NTM: variants seen among roughly 807,000 people sequenced by gnomAD.
NTM encodes IgLON family member 2.
A neutral mutation model predicts 42.1 loss-of-function variants in NTM; 13 were observed. The ratio of observed to expected loss-of-function variants is 0.31; its 90% CI spans 0.20 to 0.49. NTM has a LOEUF of 0.49. Ranked by LOEUF, NTM falls within the 20% of genes least tolerant of loss-of-function variation. NTM has a pLI of 0.99. For synonymous variants in NTM, 187 were observed against 179.2 expected (o/e 1.04, Z -0.35); for missense variants, 373 against 452.8 (o/e 0.82, Z 1.60).
At chr11:131,557,507 T>C (rs1170980409) in intron 1 of NTM, among the ~76,000 whole-genome samples, 1 of 152,198 alleles carries the variant, frequency 6.6e-6, no homozygotes, top group African/African-American at 2.4e-5. Context: ...TAAGTGCCTA[T>C]TAAGCGCTCT....
intron 1 of NTM, among the ~76,000 whole-genome samples, chr11:131,405,110 A>G (rs1259179328): frequency 6.6e-6 from 1 of 152,198 alleles, no homozygotes; most frequent in Non-Finnish European, 1.5e-5. Context: ...GCTTCAACCT[A>G]AGGCAGGGAG....
At chr11:131,388,612 T>C (rs1943610788) in intron 1 of NTM, among the ~76,000 whole-genome samples, 1 of 152,084 alleles carries the variant, frequency 6.6e-6, no homozygotes, top group Non-Finnish European at 1.5e-5. Context: ...TAGGAATGTG[T>C]ATGAGTTGGC....
chr11:131,556,429 A>G (rs1433956238), intron 1 of NTM, among the ~76,000 whole-genome samples: 1 of 152,262 alleles, frequency 6.6e-6, no homozygotes, highest in African/African-American at 2.4e-5. Flanking sequence ...ATAATTAATA[A>G]GTCAGAGTAC....
chr11:132,129,208 A>G (rs915077661), intron 2 of NTM, among the ~76,000 whole-genome samples: 8 of 152,158 alleles, frequency 5.3e-5, no homozygotes, highest in East Asian at 3.8e-4. Context: ...GGGACTTGGT[A>G]TCCAAAACTG....
Position 131,690,083 on chromosome 11 carries a change from G to A in NTM, c.83-221481G>A, listed in dbSNP as rs371266137. On this transcript the variant is annotated intron_variant, in intron 1 of 8. Transcript: ENST00000683400. The stretch of plus-strand genomic sequence containing the variant: ...TGATCACTCATGATGAGATCAGCAC[G>A]TCTCTCCCCTCACACGTCTGTCCCT... Among the ~76,000 whole-genome samples the A allele has an allele frequency of 1.1e-3, 171 of 152,226 alleles. 1 individual carries two copies. The highest frequency in any genetic ancestry group is 3.9e-3 in the African/African-American group (161 of 41,530).
At chr11:131,549,336 G>C (rs1172862418) in intron 1 of NTM, among the ~76,000 whole-genome samples, 3 of 151,392 alleles carry the variant, frequency 2.0e-5, no homozygotes, top group African/African-American at 7.3e-5. Context: ...TTATGTCTAG[G>C]GTCACACCCT....
At chr11:131,957,458 G>A (rs560315105) in intron 2 of NTM, among the ~76,000 whole-genome samples, 7 of 152,220 alleles carry the variant, frequency 4.6e-5, no homozygotes, top group African/African-American at 1.4e-4. Context: ...AGTCCACTTT[G>A]CATCCCACTT....
chr11:131,992,685 GA>G lies in NTM; in HGVS notation c.167+81041del, dbSNP rs370050904. 5.7e-3 allele frequency among the ~76,000 whole-genome samples: 863 copies of G among 152,210 alleles called. 9 individuals carry two copies. The highest frequency in any genetic ancestry group is 0.02 in the African/African-American group (820 of 41,518). ...TTAAATCTTACACACACAATTGCCT[GA>G]AAAGATTGAATACTTTTCTATGTTC... is the stretch of plus-strand genomic sequence containing the variant. On this transcript the variant is annotated intron_variant, in intron 2 of 8. Coordinates refer to ENST00000683400, the MANE Select transcript of NTM (RefSeq NM_001352005.2).
At chr11:131,510,529 T>TA (rs1398656545) in intron 1 of NTM, among the ~76,000 whole-genome samples, 4 of 152,240 alleles carry the variant, frequency 2.6e-5, no homozygotes, top group African/African-American at 9.6e-5. Flanking sequence ...GTTACAAGAC[T>TA]GTGGTCAAAC....
chr11:132,123,989 T>C (rs1192484596), intron 2 of NTM, among the ~76,000 whole-genome samples: 2 of 152,124 alleles, frequency 1.3e-5, no homozygotes, highest in African/African-American at 2.4e-5. Context: ...TTTAGTAGCT[T>C]TGTGACCCGA....
intron 1 of NTM, among the ~76,000 whole-genome samples, chr11:131,511,407 C>T (rs1027238602): frequency 6.6e-6 from 1 of 152,080 alleles, no homozygotes; most frequent in Admixed American, 6.5e-5. Context: ...TCGCCTGCCG[C>T]TGGCCAGGGC....
chr11:131,868,896 C>T (rs2047487615), intron 1 of NTM, among the ~76,000 whole-genome samples: 1 of 152,182 alleles, frequency 6.6e-6, no homozygotes, highest in African/African-American at 2.4e-5. Flanking sequence ...ATCCCTCTGT[C>T]TTGAAGAGAC....
At chr11:131,793,475 A>C (rs1244512703) in intron 1 of NTM, among the ~76,000 whole-genome samples, 1 of 152,212 alleles carries the variant, frequency 6.6e-6, no homozygotes, top group African/African-American at 2.4e-5. Flanking sequence ...AAGCAACTCT[A>C]GCAAATAGCA....
intron 3 of NTM, among the ~76,000 whole-genome samples, chr11:132,188,223 A>G (rs1056817198): frequency 1.3e-5 from 2 of 152,170 alleles, no homozygotes; most frequent in African/African-American, 2.4e-5. Flanking sequence ...CCCACACAAC[A>G]AAGAGTCATC....
At chr11:131,697,714 T>C (rs1411199377) in intron 1 of NTM, among the ~76,000 whole-genome samples, 3 of 152,236 alleles carry the variant, frequency 2.0e-5, no homozygotes, top group African/African-American at 4.8e-5. Context: ...CTTTAATTTA[T>C]GTATTTGATT....
At chr11:131,638,780 C>A (rs535488881) in intron 1 of NTM, among the ~76,000 whole-genome samples, 32 of 151,640 alleles carry the variant, frequency 2.1e-4, no homozygotes, top group Non-Finnish European at 3.5e-4. Flanking sequence ...CTTGGACAAT[C>A]TGTTTGGTCT....
At chr11:131,813,275 T>A (rs1362212206) in intron 1 of NTM, among the ~76,000 whole-genome samples, 1 of 152,214 alleles carries the variant, frequency 6.6e-6, no homozygotes, top group African/African-American at 2.4e-5. Context: ...ACTAATAGCA[T>A]CTGTGCTTTA....
intron 1 of NTM, among the ~76,000 whole-genome samples, chr11:131,783,746 G>C (rs1451062189): frequency 6.6e-6 from 1 of 151,998 alleles, no homozygotes; most frequent in African/African-American, 2.4e-5. Context: ...TTCTTAGACC[G>C]AAGGCAAAAA....
At chr11:131,679,968 A>G (rs376003310) in intron 1 of NTM, among the ~76,000 whole-genome samples, 165 of 152,356 alleles carry the variant, frequency 1.1e-3, no homozygotes, top group African/African-American at 3.8e-3. Context: ...CTACTAGTTT[A>G]GGATTCTCTG....
Sources: allele counts gnomAD v4.1 joint callset (sites outside exome capture counted in the v4.1 genomes callset), GRCh38; gene constraint gnomAD v4.1.1; transcripts MANE v1.5; gene names NCBI Gene and HGNC (gene_info 2026-07-23, HGNC 2026-07-21).